Variants in LRP10 observed in about 807,000 individuals in gnomAD.
The protein encoded by LRP10 is low-density lipoprotein receptor-related protein 10.
LRP10 carries 42 observed loss-of-function variants against 58.5 expected under a neutral mutation model. That is an observed-to-expected ratio of 0.72 (90% CI 0.56 to 0.93). LRP10 has a LOEUF of 0.93. Ranked by LOEUF, LRP10 falls within the 40% of genes least tolerant of loss-of-function variation. LRP10 has a pLI of 0.00. For synonymous variants in LRP10, 377 were observed against 388.5 expected, an observed-to-expected ratio of 0.97 and a Z score of 0.35; for missense variants, 872 against 940.1, an observed-to-expected ratio of 0.93 and a Z score of 0.95.
chr14:22,876,517 C>T, intron 5 of LRP10, 145 bp downstream of exon 5: 1 of 1,323,718 alleles, frequency 7.6e-7, no homozygotes, highest in Non-Finnish European at 1.0e-6. Flanking sequence ...GGGACAGGTC[C>T]AGATCCTGAA....
chr14:22,872,708 C>T (rs1434218931), intron 1 of LRP10, 30 bp from the exon 2 acceptor site: 1 of 1,612,178 alleles, frequency 6.2e-7, no homozygotes, highest in Non-Finnish European at 8.5e-7. Flanking sequence ...GAGTGTCTCA[C>T]GCTCCTGCCC....
Position 22,875,261 on chromosome 14 carries a change from A to G in LRP10, c.406+16A>G, listed in dbSNP as rs772980836. ...TACAGCCAAGGTAGGCTGGACAGGG[A>G]TGTCTGAGGAGCAGGCAGTGAAAGC... On this transcript the variant is annotated intron_variant, in intron 4 of 6. Transcript: ENST00000359591. The G allele has an allele frequency of 2.5e-6, 4 of 1,584,070 alleles. No homozygotes were observed. Among genetic ancestry groups the G allele is most frequent in the Non-Finnish European group, 3.4e-6 (4 of 1,161,608 alleles).
Position 22,875,110 on chromosome 14 carries a change from C to T in LRP10, c.271C>T (p.Leu91Phe), listed in dbSNP as rs1307669337. Residue 91 changes from leucine (L) to phenylalanine (F), a missense_variant, in exon 4 of 7, where the codon CTC becomes TTC. Leu to Phe is a conservative substitution (Grantham distance 22, BLOSUM62 0). Transcript: ENST00000359591. The stretch of plus-strand genomic sequence containing the variant: ...AGAGCGCTTAACCCTACGCTCCCCT[C>T]TCCAGCCACTGATCTCCCTGTGTGA... ...GSERLTLRSPLQPLISLCEAP... is the reference protein window; with the variant it reads ...GSERLTLRSPFQPLISLCEAP... 2 of 1,612,492 alleles carry T rather than the reference C, an allele frequency of 1.2e-6. No individual in the cohort carries two copies. The highest frequency in any genetic ancestry group is 8.5e-7 in the Non-Finnish European group (1 of 1,179,264).
chr14:22,873,517 G>A, intron 3 of LRP10, 71 bp downstream of exon 3: 1 of 1,517,062 alleles, frequency 6.6e-7, no homozygotes, highest in South Asian at 1.3e-5. Context: ...AAGTCTTCAG[G>A]GATCACTTCT....
Position 22,877,638 on chromosome 14 carries a change from G to A in LRP10, c.*111G>A. 2 of 801,426 alleles carry A rather than the reference G, an allele frequency of 2.5e-6. No homozygotes were observed. The highest frequency in any genetic ancestry group is 3.8e-6 in the Non-Finnish European group (2 of 528,184). The allele number at this position is 801,426 out of a possible 1,614,324, so 49.6% of individuals were successfully genotyped here. A position where few individuals can be genotyped will look rare whatever the true frequency, so the allele number is the denominator to read the frequency against. On this transcript the variant is annotated 3_prime_UTR_variant, in exon 7 of 7. Coordinates refer to ENST00000359591, the MANE Select transcript of LRP10 (RefSeq NM_014045.5). This position sits in a 1 kb window ranked among gnomAD's most constrained non-coding sequence, Gnocchi z 5.1. ...TCCACCACTTCCTTCCCTGTCCCTGGATTTCAGGGACTTGGTGGGCCTCCC... is the reference window on the plus strand; with the variant it reads ...TCCACCACTTCCTTCCCTGTCCCTGAATTTCAGGGACTTGGTGGGCCTCCC...
Position 22,872,121 on chromosome 14 carries a change from T to C in LRP10, c.-183T>C. The C allele has an allele frequency of 1.6e-6, 1 of 635,818 alleles. No individual in the cohort carries two copies. The allele number at this position is 635,818 out of a possible 1,614,324, so 39.4% of individuals were successfully genotyped here. ...AGTTGGCGAAAGGCACCGCCCCTAC[T>C]CCCGGGCTGCCGCCGCCTCCCCGCC... On this transcript the variant is annotated 5_prime_UTR_variant, in exon 1 of 7. Transcript: ENST00000359591.
chr14:22,877,613 TCCAC>T lies in LRP10; in HGVS notation c.*88_*91del. On this transcript the variant is annotated 3_prime_UTR_variant, in exon 7 of 7. Transcript: ENST00000359591. This position sits in a 1 kb window ranked among gnomAD's most constrained non-coding sequence, Gnocchi z 5.1. ...CTTTTAGAGGTGGGTCAGCCTCCCC[TCCAC>T]CACTTCCTTCCCTGTCCCTGGATTT... The T allele has an allele frequency of 1.0e-6, 1 of 972,588 alleles. No individual in the cohort carries two copies. Among genetic ancestry groups the T allele is most frequent in the South Asian group, 1.8e-5 (1 of 55,080 alleles). The allele number at this position is 972,588 out of a possible 1,614,324, so 60.2% of individuals were successfully genotyped here.
Position 22,875,452 on chromosome 14 carries a change from C to G in LRP10, c.504C>G (p.Gly168=). The change falls in exon 5 of 7, where the codon GGC becomes GGG. Residue 168 remains glycine (G), a synonymous_variant. Coordinates refer to ENST00000359591, the MANE Select transcript of LRP10 (RefSeq NM_014045.5). ...RCDGVDACGD[G]SDEAGCSSDP... ...ATGGGGTTGATGCCTGTGGCGATGGCTCTGATGAAGCAGGTTGCAGCTCAG... is the reference window on the plus strand; with the variant it reads ...ATGGGGTTGATGCCTGTGGCGATGGGTCTGATGAAGCAGGTTGCAGCTCAG... 1.2e-6 allele frequency: 2 copies of G among 1,614,226 alleles called. No individual in the cohort carries two copies. The highest frequency in any genetic ancestry group is 1.6e-4 in the Middle Eastern group (1 of 6,062).
At chr14:22,873,674 G>A (rs530374217) in intron 3 of LRP10, among the ~76,000 whole-genome samples, 3 of 152,122 alleles carry the variant, frequency 2.0e-5, no homozygotes, top group Non-Finnish European at 2.9e-5. Context: ...GCAGGTGCCC[G>A]CCACCATGCC....
Position 22,875,187 on chromosome 14 carries a change from C to G in LRP10, c.348C>G (p.Tyr116Ter). ...QLPGGNVTIT[Y>*]SYAGARAPMG... is the part of the protein sequence containing the mutation. Reference sequence around the variant, plus strand: ...CCGGGGGCAACGTCACCATCACTTACAGCTATGCTGGGGCCAGAGCACCCA... The same window carrying G: ...CCGGGGGCAACGTCACCATCACTTAGAGCTATGCTGGGGCCAGAGCACCCA... The change falls in exon 4 of 7, where the codon TAC becomes TAG. Residue 116 changes from tyrosine (Y) to a stop codon, truncating the protein, a stop_gained. Coordinates refer to ENST00000359591, the MANE Select transcript of LRP10 (RefSeq NM_014045.5). LOFTEE classifies it high-confidence loss of function. 6.2e-7 allele frequency: 1 copy of G among 1,612,990 alleles called. No homozygotes were observed. The highest frequency in any genetic ancestry group is 8.5e-7 in the Non-Finnish European group (1 of 1,179,406).
At chr14:22,872,558 A>G (rs1212591045) in intron 1 of LRP10, among the ~76,000 whole-genome samples, 180 bp from the exon 2 acceptor site, 3 of 151,744 alleles carry the variant, frequency 2.0e-5, no homozygotes, top group Admixed American at 2.0e-4. Context: ...CAACCCCACA[A>G]GGCCCTGCTG....
At chr14:22,872,590 G>T in intron 1 of LRP10, 148 bp from the exon 2 acceptor site, 1 of 774,042 alleles carries the variant, frequency 1.3e-6, no homozygotes, top group South Asian at 1.7e-5. Context: ...TTCCATGGAA[G>T]TCCCACGCCG....
Position 22,880,166 on chromosome 14 carries a change from G to C in LRP10, c.*2639G>C, listed in dbSNP as rs2040047597. 6.6e-6 allele frequency: 1 copy of C among 151,578 alleles called. No homozygotes were observed. Among genetic ancestry groups the C allele is most frequent in the African/African-American group, 2.4e-5 (1 of 41,186 alleles). 9.4% of individuals were successfully genotyped at this position (151,578 alleles called of 1,614,324 possible). ...AAGGCAGGCAGACTGCCTGAGCTCA[G>C]GAGTTCGAGACTAGCCTGAGCAACA... On this transcript the variant is annotated 3_prime_UTR_variant, in exon 7 of 7. Transcript: ENST00000359591.
intron 5 of LRP10, 100 bp downstream of exon 5, chr14:22,876,472 G>A: frequency 2.8e-6 from 4 of 1,444,204 alleles, no homozygotes; most frequent in Non-Finnish European, 2.9e-6. Flanking sequence ...TTGGGGAGAG[G>A]CTCCCATGAT....
chr14:22,873,723 C>T lies in LRP10; in HGVS notation c.215+277C>T, dbSNP rs187213400. Among the ~76,000 whole-genome samples the T allele has an allele frequency of 8.5e-5, 13 of 152,284 alleles. No homozygotes were observed. The East Asian group carries it at 2.5e-3, about 29-fold the overall frequency. The stretch of plus-strand genomic sequence containing the variant: ...TGTATTTTTAGTAGAGACAGGGTTT[C>T]ACCACGTTGGCCAGGCTGGTCTTGA... On this transcript the variant is annotated intron_variant, in intron 3 of 6. Coordinates refer to ENST00000359591, the MANE Select transcript of LRP10 (RefSeq NM_014045.5).
intron 3 of LRP10, 84 bp downstream of exon 3, chr14:22,873,530 T>TC (rs1179241260): frequency 1.4e-6 from 2 of 1,423,738 alleles, no homozygotes; most frequent in African/African-American, 2.9e-5. Context: ...TCACTTCTTT[T>TC]TTTTTTTTTT....
At position 22,872,025 on chromosome 14, in the gene LRP10, C is replaced by T. The variant is rs540827811; in HGVS notation, c.-279C>T. The stretch of plus-strand genomic sequence containing the variant: ...TGTAGGCGAGGGCGCGCCCCAGTGC[C>T]GAGACCCGGGGCTTCAGGAGCCGGC... On this transcript the variant is annotated 5_prime_UTR_variant, in exon 1 of 7. Transcript: ENST00000359591. 2 of 564,306 alleles carry T rather than the reference C, an allele frequency of 3.5e-6. No homozygotes were observed. Among genetic ancestry groups the T allele is most frequent in the East Asian group, 3.1e-5 (1 of 32,226 alleles). 35.0% of individuals were successfully genotyped at this position (564,306 alleles called of 1,614,324 possible).
At position 22,877,337 on chromosome 14, in the gene LRP10, T is replaced by C. The variant is rs1566494550; in HGVS notation, c.1952T>C (p.Leu651Ser). Residue 651 changes from leucine to serine, a missense_variant, in exon 7 of 7, where the codon TTG becomes TCG. Coordinates refer to ENST00000359591, the MANE Select transcript of LRP10 (RefSeq NM_014045.5). This position sits in a 1 kb window ranked among gnomAD's most constrained non-coding sequence, Gnocchi z 5.1. ...TCACTGCCCCTAGAGCCATCACTAT[T>C]GTCTGGAGTGGTGCAGGCCCTGCGA... The part of the protein sequence containing the change: ...LPSLPLEPSL[L>S]SGVVQALRGR... 6.8e-6 allele frequency: 11 copies of C among 1,612,730 alleles called. No individual in the cohort carries two copies. Among genetic ancestry groups the C allele is most frequent in the Non-Finnish European group, 7.6e-6 (9 of 1,179,346 alleles).
Position 22,876,223 on chromosome 14 carries a change from G to A in LRP10, c.1275G>A (p.Ala425=), listed in dbSNP as rs767828778. The change falls in exon 5 of 7, where the codon GCG becomes GCA. Residue 425 remains alanine, a synonymous_variant. Transcript: ENST00000359591. ...TGTGCGATGGGCAGCCAGACTGTGC[G>A]GACGGCAGTGATGAGTGGGACTGCT... ...TWVCDGQPDC[A]DGSDEWDCSY... 47 of 1,614,066 alleles carry A rather than the reference G, an allele frequency of 2.9e-5. 1 individual carries two copies. The highest frequency in any genetic ancestry group is 1.6e-4 in the Middle Eastern group (1 of 6,084).
Sources: allele counts gnomAD v4.1 joint callset (sites outside exome capture counted in the v4.1 genomes callset), GRCh38; gene constraint gnomAD v4.1.1; non-coding constraint Gnocchi (gnomAD v3.1); transcripts MANE v1.5; gene names NCBI Gene and HGNC (gene_info 2026-07-23, HGNC 2026-07-21).